ATG7: variants seen among roughly 807,000 people sequenced by gnomAD.
ATG7 encodes the protein autophagy related 7.
A neutral mutation model predicts 82.4 loss-of-function variants in ATG7; 70 were observed. The ratio of observed to expected loss-of-function variants is 0.85; its 90% CI spans 0.70 to 1.04. The LOEUF is 1.04. ATG7 is among the 50% of genes least tolerant of loss of function. ATG7 has a pLI of 0.00. For synonymous variants in ATG7, 287 were observed against 313.0 expected (o/e 0.92, Z 0.88); for missense variants, 792 against 864.3 (o/e 0.92, Z 1.05).
intron 9 of ATG7, among the ~76,000 whole-genome samples, chr3:11,318,778 G>A (rs999092516): frequency 1.7e-4 from 26 of 152,082 alleles, no homozygotes; most frequent in African/African-American, 4.8e-4. Flanking sequence ...TCCAAATGCC[G>A]CAGCTTCCCC....
intron 20 of ATG7, among the ~76,000 whole-genome samples, chr3:11,546,326 C>T (rs1359589733): frequency 1.3e-5 from 2 of 152,046 alleles, no homozygotes; most frequent in African/African-American, 4.8e-5. Flanking sequence ...CACATGCCAC[C>T]ATGCCCAGCT....
In ATG7 at chr3:11,347,884, G is replaced by T; in HGVS notation, c.1133G>T (p.Gly378Val). ...TCTCCTGTTTCCACACAGGGTTGGG[G>T]CGTGAGACACATCACATTTGTGGAC... is the stretch of plus-strand genomic sequence containing the variant. ...CNVARTLMGW[G>V]VRHITFVDNA... is the part of the protein sequence containing the mutation. The change falls in exon 14 of 21, where the codon GGC becomes GTC. Residue 378 changes from glycine to valine, a missense_variant. Physicochemically the swap from Gly to Val is moderately radical, Grantham distance 109. Transcript: ENST00000693202. The T allele has an allele frequency of 6.2e-7, 1 of 1,613,904 alleles. No individual in the cohort carries two copies. Among genetic ancestry groups the T allele is most frequent in the Non-Finnish European group, 8.5e-7 (1 of 1,179,922 alleles).
At chr3:11,363,901 A>G (rs1282444415) in intron 17 of ATG7, among the ~76,000 whole-genome samples, 1 of 152,214 alleles carries the variant, frequency 6.6e-6, no homozygotes, top group Non-Finnish European at 1.5e-5. Context: ...GTACTCTGAG[A>G]TAAATGAAAA....
chr3:11,364,581 T>C (rs2076475906), intron 17 of ATG7, 78 bp from the exon 18 acceptor site: 10 of 1,489,310 alleles, frequency 6.7e-6, no homozygotes, highest in Non-Finnish European at 9.3e-6. Flanking sequence ...ATGAATCTTA[T>C]GTAGATTTCT....
chr3:11,511,853 A>G (rs1249897638), intron 20 of ATG7, among the ~76,000 whole-genome samples: 2 of 152,084 alleles, frequency 1.3e-5, no homozygotes. Flanking sequence ...TAAGTCCCCC[A>G]CTGCCTGGGG....
chr3:11,429,894 T>C (rs1036015856), intron 20 of ATG7, among the ~76,000 whole-genome samples: 2 of 141,866 alleles, frequency 1.4e-5, no homozygotes, highest in African/African-American at 2.6e-5. Flanking sequence ...TGCAGTGAGC[T>C]GAAATCGCGC....
At chr3:11,322,315 A>G (rs538823884) in intron 9 of ATG7, among the ~76,000 whole-genome samples, 1 of 152,332 alleles carries the variant, frequency 6.6e-6, no homozygotes, top group Non-Finnish European at 1.5e-5. Flanking sequence ...ATGATTTAAG[A>G]ATCGCAAATA....
chr3:11,482,098 A>T (rs1023881919), intron 20 of ATG7, among the ~76,000 whole-genome samples: 19 of 152,134 alleles, frequency 1.2e-4, no homozygotes, highest in Admixed American at 8.5e-4. Flanking sequence ...CTCTCTCCTG[A>T]TGCCCCGGTT....
intron 9 of ATG7, among the ~76,000 whole-genome samples, chr3:11,315,712 G>A (rs2152725979): frequency 6.6e-6 from 1 of 152,140 alleles, no homozygotes; most frequent in South Asian, 2.1e-4. Context: ...GAATAATTTT[G>A]ATACCTTACT....
intron 19 of ATG7, among the ~76,000 whole-genome samples, chr3:11,426,514 G>A (rs948859630): frequency 1.1e-4 from 17 of 151,856 alleles, no homozygotes; most frequent in Admixed American, 1.1e-3. Context: ...GAACTTTAGA[G>A]CCACTAACTA....
intron 20 of ATG7, among the ~76,000 whole-genome samples, chr3:11,538,767 A>C (rs1329843985): frequency 6.9e-6 from 1 of 145,344 alleles, no homozygotes; most frequent in Non-Finnish European, 1.5e-5. Context: ...GCAGCTACCC[A>C]GGAGGCTAAG....
chr3:11,308,315 C>G (rs1948092637), intron 6 of ATG7: 1 of 152,282 alleles, frequency 6.6e-6, no homozygotes, highest in African/African-American at 2.4e-5. Flanking sequence ...TGACCAGCAC[C>G]AGCATTTGCT....
intron 17 of ATG7, 42 bp from the exon 18 acceptor site, chr3:11,364,617 A>G: frequency 6.3e-7 from 1 of 1,597,132 alleles, no homozygotes; most frequent in Non-Finnish European, 8.6e-7. Context: ...CATGTGTTAA[A>G]CTTGGATTAA....
intron 10 of ATG7, among the ~76,000 whole-genome samples, chr3:11,332,186 A>G (rs1002175091): frequency 0.01 from 1 of 96 alleles, no homozygotes; most frequent in South Asian, 0.25. Flanking sequence ...TTATGATGAA[A>G]TGTCATATAC....
intron 20 of ATG7, among the ~76,000 whole-genome samples, chr3:11,511,792 T>C (rs151206995): frequency 0.048 from 7,245 of 152,166 alleles, 243 homozygotes; most frequent in Middle Eastern, 0.12. Flanking sequence ...ACCGGTGGGC[T>C]GGTACTGCTG....
chr3:11,559,797 C>T (rs116658315), downstream of ATG7, among the ~76,000 whole-genome samples: 2,204 of 152,250 alleles, frequency 0.014, 48 homozygotes, highest in African/African-American at 0.047. Flanking sequence ...GGAGGGACCT[C>T]GATTCTCCCG....
At chr3:11,400,776 A>G (rs2079763253) in intron 19 of ATG7, among the ~76,000 whole-genome samples, 1 of 152,172 alleles carries the variant, frequency 6.6e-6, no homozygotes, top group South Asian at 2.1e-4. Context: ...GCATGTTCTT[A>G]TATAATTCTC....
At chr3:11,285,217 T>A (rs1277099421) in intron 3 of ATG7, among the ~76,000 whole-genome samples, 2 of 145,252 alleles carry the variant, frequency 1.4e-5, no homozygotes, top group African/African-American at 5.1e-5. Context: ...TCTCACCCTG[T>A]CACGCAGGCT....
At chr3:11,521,108 A>G (rs2092429409) in intron 20 of ATG7, among the ~76,000 whole-genome samples, 1 of 152,178 alleles carries the variant, frequency 6.6e-6, no homozygotes, top group African/African-American at 2.4e-5. Context: ...TCTCGCAGCA[A>G]TGCTGAGACA....
Sources: allele counts gnomAD v4.1 joint callset (sites outside exome capture counted in the v4.1 genomes callset), GRCh38; gene constraint gnomAD v4.1.1; transcripts MANE v1.5; gene names NCBI Gene and HGNC (gene_info 2026-07-23, HGNC 2026-07-21).